The following TTC29 variants were observed in gnomAD, a reference collection of about 807,000 sequenced individuals.
TTC29 encodes tetratricopeptide repeat protein 29.
Under a neutral mutation model 58.1 loss-of-function variants are expected in TTC29, and 49 were observed. The ratio of observed to expected loss-of-function variants is 0.84; its 90% CI spans 0.67 to 1.07. TTC29 has a LOEUF of 1.07. Ranked by LOEUF, TTC29 falls within the 50% of genes least tolerant of loss-of-function variation. TTC29 has a pLI of 0.00. For synonymous variants in TTC29, 209 were observed against 196.8 expected (o/e 1.06, Z -0.52); for missense variants, 582 against 555.6 (o/e 1.05, Z -0.48).
At chr4:146,750,014 G>A (rs1745858161) in intron 11 of TTC29, among the ~76,000 whole-genome samples, 1 of 150,316 alleles carries the variant, frequency 6.7e-6, no homozygotes, top group Admixed American at 6.6e-5. Context: ...CACTATACCT[G>A]CTTTTTTTTT....
chr4:146,729,641 T>C (rs2150018864), intron 11 of TTC29, among the ~76,000 whole-genome samples: 1 of 152,248 alleles, frequency 6.6e-6, no homozygotes, highest in African/African-American at 2.4e-5. Context: ...TGCCTGAGAC[T>C]GGGTAATTTA....
intron 11 of TTC29, among the ~76,000 whole-genome samples, chr4:146,765,274 A>G (rs1364134057): frequency 6.6e-6 from 1 of 152,188 alleles, no homozygotes; most frequent in Non-Finnish European, 1.5e-5. Flanking sequence ...ACAAAGTCAC[A>G]TGAAAGAGAT....
At chr4:146,863,896 A>G (rs144286564) in intron 8 of TTC29, among the ~76,000 whole-genome samples, 15 of 152,184 alleles carry the variant, frequency 9.9e-5, no homozygotes, top group South Asian at 4.2e-4. Context: ...GAAGTCCCCA[A>G]TGGATTAAAT....
At chr4:146,897,097 G>A (rs1196866372) in intron 6 of TTC29, among the ~76,000 whole-genome samples, 1 of 152,068 alleles carries the variant, frequency 6.6e-6, no homozygotes, top group Non-Finnish European at 1.5e-5. Context: ...CTTGGTTCTA[G>A]TCTTAGGGGT....
chr4:146,850,291 T>A (rs1210430689), intron 8 of TTC29, among the ~76,000 whole-genome samples: 1 of 152,182 alleles, frequency 6.6e-6, no homozygotes, highest in East Asian at 1.9e-4. Flanking sequence ...CACATAGAGA[T>A]GAAGCCACAG....
In TTC29 at chr4:146,744,957, A is replaced by G. The variant is rs193247900; in HGVS notation, c.1331-37406T>C. 1.1e-3 allele frequency among the ~76,000 whole-genome samples: 166 copies of G among 152,264 alleles called. 3 individuals carry two copies. The highest frequency in any genetic ancestry group is 3.6e-3 in the African/African-American group (151 of 41,560). ...AATATCTTAGGAATAAAAATCTGCA[A>G]ATTTATGGAGAAAATGGAGAAGAAT... On this transcript the variant is annotated intron_variant, in intron 11 of 12. Coordinates refer to ENST00000325106, the MANE Select transcript of TTC29 (RefSeq NM_031956.4).
intron 8 of TTC29, among the ~76,000 whole-genome samples, chr4:146,839,205 T>TA (rs1728694242): frequency 6.6e-6 from 1 of 152,016 alleles, no homozygotes; most frequent in Non-Finnish European, 1.5e-5. Flanking sequence ...GCCTTATAAG[T>TA]ACTGTGTGCT....
Position 146,786,987 on chromosome 4 carries a change from G to T in TTC29, c.1330+16470C>A, listed in dbSNP as rs1464196296. Reference sequence around the variant, plus strand: ...AGAAAAAAAATTAGCTGGGTGTGGTGGTATGCACCTGCAGTCTTAGCTACT... The same window carrying T: ...AGAAAAAAAATTAGCTGGGTGTGGTTGTATGCACCTGCAGTCTTAGCTACT... On this transcript the variant is annotated intron_variant, in intron 11 of 12. Transcript: ENST00000325106. Among the ~76,000 whole-genome samples the T allele has an allele frequency of 5.3e-5, 8 of 152,150 alleles. No individual in the cohort carries two copies. In the East Asian group the frequency reaches 1.4e-3, roughly 26 times the overall value.
At chr4:146,945,409 T>A (rs1233859973) in intron 1 of TTC29, 3 of 152,210 alleles carry the variant, frequency 2.0e-5, no homozygotes, top group African/African-American at 7.2e-5. Flanking sequence ...AGCATCTCAG[T>A]TCCCTTTCTG....
chr4:146,776,824 T>C (rs912484319), intron 11 of TTC29, among the ~76,000 whole-genome samples: 3 of 152,248 alleles, frequency 2.0e-5, no homozygotes, highest in African/African-American at 7.2e-5. Flanking sequence ...GTGCTCATTG[T>C]GGCAGTGGGG....
intron 2 of TTC29, among the ~76,000 whole-genome samples, chr4:146,941,281 G>T (rs1487706351): frequency 6.6e-6 from 1 of 152,158 alleles, no homozygotes; most frequent in Non-Finnish European, 1.5e-5. Context: ...GCTTGTTTTA[G>T]GTTTTAAATG....
chr4:146,859,336 G>A, intron 8 of TTC29, among the ~76,000 whole-genome samples: 1 of 151,966 alleles, frequency 6.6e-6, no homozygotes, highest in East Asian at 1.9e-4. Context: ...TTCCTCCTTT[G>A]CCTTGGTTTC....
At chr4:146,737,123 A>C (rs545481445) in intron 11 of TTC29, among the ~76,000 whole-genome samples, 2 of 152,288 alleles carry the variant, frequency 1.3e-5, no homozygotes, top group African/African-American at 4.8e-5. Context: ...AGAATTGAAC[A>C]GTGATAGAAG....
intron 8 of TTC29, among the ~76,000 whole-genome samples, chr4:146,850,910 G>A (rs993286812): frequency 1.3e-5 from 2 of 152,052 alleles, no homozygotes; most frequent in Non-Finnish European, 1.5e-5. Context: ...TTAAATTTAG[G>A]AAAAATGTAT....
intron 2 of TTC29, among the ~76,000 whole-genome samples, chr4:146,943,168 GCTTTTTTTTT>G (rs1736576343): frequency 1.3e-5 from 1 of 79,038 alleles, no homozygotes; most frequent in Non-Finnish European, 2.5e-5. Flanking sequence ...GATCAACTGT[GCTTTTTTTTT>G]TTTTTTTTTT....
chr4:146,711,354 T>C (rs2149991001), intron 11 of TTC29, among the ~76,000 whole-genome samples: 1 of 152,318 alleles, frequency 6.6e-6, no homozygotes, highest in East Asian at 1.9e-4. Context: ...TGTTGAAATA[T>C]ATGTTGCAGT....
intron 8 of TTC29, among the ~76,000 whole-genome samples, chr4:146,857,384 A>C (rs558005292): frequency 7.0e-4 from 107 of 152,126 alleles, no homozygotes; most frequent in Non-Finnish European, 1.2e-3. Flanking sequence ...TAGATTCCCC[A>C]AGAAAGAGAC....
At chr4:146,828,522 G>T (rs1561165920) in intron 9 of TTC29, among the ~76,000 whole-genome samples, 1 of 151,934 alleles carries the variant, frequency 6.6e-6, no homozygotes, top group African/African-American at 2.4e-5. Context: ...ACTCACTGAA[G>T]CTTATTTATG....
At chr4:146,816,314 C>T (rs1751403352) in intron 10 of TTC29, among the ~76,000 whole-genome samples, 2 of 152,146 alleles carry the variant, frequency 1.3e-5, no homozygotes, top group East Asian at 1.9e-4. Flanking sequence ...GACTGTGAGC[C>T]TCACAAGGGT....
Sources: allele counts gnomAD v4.1 joint callset (sites outside exome capture counted in the v4.1 genomes callset), GRCh38; gene constraint gnomAD v4.1.1; transcripts MANE v1.5; gene names NCBI Gene and HGNC (gene_info 2026-07-23, HGNC 2026-07-21).